The following NRXN3 variants were observed in gnomAD, a reference collection of about 807,000 sequenced individuals.
The protein encoded by NRXN3 is neurexin III.
A neutral mutation model predicts 137.6 loss-of-function variants in NRXN3; 32 were observed. That is an observed-to-expected ratio of 0.23 (90% CI 0.18 to 0.31). The LOEUF (loss-of-function observed/expected upper bound fraction) is 0.31, where lower values mean the gene tolerates loss of function less well. NRXN3 is among the 10% of genes least tolerant of loss of function. NRXN3 has a pLI of 1.00. For missense variants in NRXN3, 1,574 were observed against 2,062.5 expected (o/e 0.76, Z 4.59); for synonymous variants, 798 against 784.5 (o/e 1.02, Z -0.29).
chr14:79,227,470 AC>A (rs1225099685), intron 15 of NRXN3, among the ~76,000 whole-genome samples: 3 of 151,928 alleles, frequency 2.0e-5, no homozygotes, highest in Non-Finnish European at 1.5e-5. Flanking sequence ...TTTGGCTATG[AC>A]TCAACTTTTT....
intron 19 of NRXN3, among the ~76,000 whole-genome samples, chr14:79,745,550 G>C (rs192995503): frequency 6.6e-6 from 1 of 152,090 alleles, no homozygotes; most frequent in African/African-American, 2.4e-5. Flanking sequence ...GAGAATCCAC[G>C]TCTCCTTCTC....
chr14:78,577,979 T>G (rs1217985452), intron 4 of NRXN3, among the ~76,000 whole-genome samples: 1 of 152,168 alleles, frequency 6.6e-6, no homozygotes, highest in African/African-American at 2.4e-5. Flanking sequence ...CTCTGCTGAT[T>G]GTGGGTTCAC....
In NRXN3 at chr14:79,808,733, G is replaced by A. The variant is rs983553568; in HGVS notation, c.4093+3543G>A. 7.2e-5 allele frequency among the ~76,000 whole-genome samples: 11 copies of A among 152,110 alleles called. 1 individual carries two copies. Among genetic ancestry groups the A allele is most frequent in the African/African-American group, 2.4e-4 (10 of 41,488 alleles). On this transcript the variant is annotated intron_variant, in intron 20 of 20. Coordinates refer to ENST00000335750, the MANE Select transcript of NRXN3 (RefSeq NM_001330195.2). ...AAGCTCTCACTTTTCATAAATTTGGGTAGTTTAGTGTGTGCTATAATTCAA... is the reference window on the plus strand; with the variant it reads ...AAGCTCTCACTTTTCATAAATTTGGATAGTTTAGTGTGTGCTATAATTCAA...
At chr14:78,568,328 A>G (rs1033787543) in intron 4 of NRXN3, among the ~76,000 whole-genome samples, 3 of 152,190 alleles carry the variant, frequency 2.0e-5, no homozygotes, top group Non-Finnish European at 4.4e-5. Flanking sequence ...CAGAAGAAGA[A>G]CTAGAAGCCA....
chr14:78,913,705 T>A (rs1320989210), intron 10 of NRXN3, among the ~76,000 whole-genome samples: 1 of 152,162 alleles, frequency 6.6e-6, no homozygotes, highest in Non-Finnish European at 1.5e-5. Flanking sequence ...TGCCTTTGTT[T>A]GTAGCAGATA....
At chr14:78,200,506 A>T (rs2061580079) in intron 1 of NRXN3, among the ~76,000 whole-genome samples, 1 of 152,056 alleles carries the variant, frequency 6.6e-6, no homozygotes. Flanking sequence ...CTGACACTCT[A>T]GGGGTGGGAC....
At chr14:79,474,489 C>A (rs1166570947) in intron 16 of NRXN3, among the ~76,000 whole-genome samples, 3 of 152,082 alleles carry the variant, frequency 2.0e-5, no homozygotes, top group African/African-American at 7.2e-5. Context: ...TAACCAGATT[C>A]ACAATGAAGA....
chr14:79,143,314 C>CT, intron 15 of NRXN3, among the ~76,000 whole-genome samples: 1 of 152,322 alleles, frequency 6.6e-6, no homozygotes, highest in African/African-American at 2.4e-5. Flanking sequence ...TTAGCTCAGT[C>CT]TTTTTATGTT....
chr14:78,989,829 C>T lies in NRXN3; in HGVS notation c.3262+1688C>T, dbSNP rs187758762. ...GGTAGAAAATGGTCAGGAAGAGACT[C>T]TCCACACAGAACAGGTATAAAGGTA... On this transcript the variant is annotated intron_variant, in intron 15 of 20. Transcript: ENST00000335750. Among the ~76,000 whole-genome samples, 26 of 152,312 alleles carry T rather than the reference C, an allele frequency of 1.7e-4. No homozygotes were observed. The East Asian group carries it at 4.4e-3, about 26-fold the overall frequency.
chr14:79,723,715 A>G (rs1284283194), intron 19 of NRXN3, among the ~76,000 whole-genome samples: 1 of 152,156 alleles, frequency 6.6e-6, no homozygotes, highest in African/African-American at 2.4e-5. Context: ...TGCCATCTCC[A>G]AAATTAATTG....
intron 4 of NRXN3, among the ~76,000 whole-genome samples, chr14:78,449,110 A>G (rs142324806): frequency 7.8e-4 from 118 of 152,190 alleles, no homozygotes; most frequent in African/African-American, 2.7e-3. Flanking sequence ...GCAGCCTCCT[A>G]TGACTTCTGA....
chr14:79,598,614 C>G (rs1249462403), intron 16 of NRXN3, among the ~76,000 whole-genome samples: 1 of 152,206 alleles, frequency 6.6e-6, no homozygotes, highest in African/African-American at 2.4e-5. Flanking sequence ...ATGAAACAGT[C>G]TATACTTTGG....
chr14:78,670,450 C>T (rs1463430216), intron 6 of NRXN3, among the ~76,000 whole-genome samples: 1 of 152,172 alleles, frequency 6.6e-6, no homozygotes, highest in African/African-American at 2.4e-5. Flanking sequence ...CCTTTCTCAT[C>T]CTGTGACTTA....
At chr14:78,173,709 C>CTTTTTTTGTTTTTTTTTTTTTTT (rs2058983452) in intron 1 of NRXN3, among the ~76,000 whole-genome samples, 1 of 69,358 alleles carries the variant, frequency 1.4e-5, no homozygotes, top group Non-Finnish European at 2.5e-5. Context: ...TTTTTCCTTG[C>CTTTTTTTGTTTTTTTTTTTTTTT]TTTTTTTTTT....
chr14:79,183,532 T>G lies in NRXN3; in HGVS notation c.3262+195391T>G, dbSNP rs536813104. Among the ~76,000 whole-genome samples the G allele has an allele frequency of 3.3e-5, 5 of 152,320 alleles. No individual in the cohort carries two copies. In the South Asian group the frequency reaches 1.0e-3, roughly 32 times the overall value. ...AAACATGAGTAGTGGGAAATCTTGA[T>G]TATATGCTCATTAAAAATATATCTA... is the stretch of plus-strand genomic sequence containing the variant. On this transcript the variant is annotated intron_variant, in intron 15 of 20. Transcript: ENST00000335750.
chr14:79,817,728 T>C (rs545755040), intron 20 of NRXN3, among the ~76,000 whole-genome samples: 115 of 152,304 alleles, frequency 7.6e-4, no homozygotes, highest in African/African-American at 2.5e-3. Flanking sequence ...ACGTAGCGCT[T>C]ATTTTCCATT....
intron 15 of NRXN3, among the ~76,000 whole-genome samples, chr14:78,992,711 A>G (rs986716339): frequency 3.3e-5 from 5 of 152,222 alleles, no homozygotes; most frequent in African/African-American, 1.2e-4. Context: ...TAGCAGTTTT[A>G]AACATTTCAT....
At chr14:79,649,979 G>A (rs1048776170) in intron 16 of NRXN3, among the ~76,000 whole-genome samples, 3 of 152,138 alleles carry the variant, frequency 2.0e-5, no homozygotes, top group Non-Finnish European at 4.4e-5. Context: ...CTGACAGATG[G>A]CCACCTTCTT....
At chr14:79,803,725 T>C (rs2215840) in intron 19 of NRXN3, among the ~76,000 whole-genome samples, 40,163 of 151,720 alleles carry the variant, frequency 0.26, 5,887 homozygotes, top group Admixed American at 0.37. Context: ...AACACAGAAT[T>C]TGACTAAGAT....
Sources: allele counts gnomAD v4.1 joint callset (sites outside exome capture counted in the v4.1 genomes callset), GRCh38; gene constraint gnomAD v4.1.1; transcripts MANE v1.5; gene names NCBI Gene and HGNC (gene_info 2026-07-23, HGNC 2026-07-21).